AFF2: variants seen among roughly 807,000 people sequenced by gnomAD.
AFF2 encodes AF4/FMR2 family member 2.
Under a neutral mutation model 76.9 loss-of-function variants are expected in AFF2, and 14 were observed. The observed-to-expected ratio is 0.18, with a 90% CI of 0.12 to 0.28. The LOEUF (loss-of-function observed/expected upper bound fraction) is 0.28, where lower values mean the gene tolerates loss of function less well. Ranked by LOEUF, AFF2 falls within the 10% of genes least tolerant of loss-of-function variation. The pLI, the probability that AFF2 is intolerant of heterozygous loss-of-function variation, is 1.00. For synonymous variants in AFF2, 398 were observed against 366.7 expected, an observed-to-expected ratio of 1.09 and a Z score of -0.98; for missense variants, 868 against 1,001.1, an observed-to-expected ratio of 0.87 and a Z score of 1.79.
chrX:148,643,390 T>C (rs2124445995), intron 1 of AFF2, among the ~76,000 whole-genome samples: 1 of 112,025 alleles, frequency 8.9e-6, no homozygotes, highest in Admixed American at 9.5e-5. Flanking sequence ...TTTATAAGCT[T>C]CCAAGTCATT....
intron 3 of AFF2, among the ~76,000 whole-genome samples, chrX:148,664,204 C>T (rs1557258184): frequency 8.9e-6 from 1 of 111,927 alleles, no homozygotes; most frequent in African/African-American, 3.3e-5. Context: ...TCAGTACCTT[C>T]TCATCACTTC....
At chrX:148,876,481 A>G (rs1799978874) in intron 7 of AFF2, among the ~76,000 whole-genome samples, 1 of 111,998 alleles carries the variant, frequency 8.9e-6, no homozygotes, top group Non-Finnish European at 1.9e-5. Flanking sequence ...AACATGTTAC[A>G]TGATGAGCTC....
chrX:148,661,475 G>A (rs1278116672), intron 2 of AFF2, among the ~76,000 whole-genome samples: 2 of 111,858 alleles, frequency 1.8e-5, no homozygotes, highest in Admixed American at 1.9e-4. Flanking sequence ...GTATAATGTG[G>A]TGCAAAGGCT....
intron 1 of AFF2, among the ~76,000 whole-genome samples, chrX:148,519,312 T>C (rs1008191819): frequency 2.7e-5 from 3 of 112,270 alleles, no homozygotes; most frequent in Non-Finnish European, 3.8e-5. Flanking sequence ...CTCCCTCTTA[T>C]CTACTCACTT....
chrX:148,575,377 T>A (rs180856257), intron 1 of AFF2, among the ~76,000 whole-genome samples: 1 of 111,926 alleles, frequency 8.9e-6, no homozygotes, highest in East Asian at 2.8e-4. Flanking sequence ...ATACATAATA[T>A]GTTTTCCTTT....
intron 1 of AFF2, among the ~76,000 whole-genome samples, chrX:148,572,631 A>G (rs911214071): frequency 5.4e-5 from 6 of 111,842 alleles, no homozygotes; most frequent in African/African-American, 2.0e-4. Flanking sequence ...TTGGATGAAC[A>G]TTGAAAACAT....
At chrX:148,888,397 T>C (rs2071185039) in intron 8 of AFF2, among the ~76,000 whole-genome samples, 1 of 112,233 alleles carries the variant, frequency 8.9e-6, no homozygotes, top group African/African-American at 3.2e-5. Flanking sequence ...ATAAACCACA[T>C]TTTCTTTATC....
At chrX:148,554,334 T>C (rs1185460398) in intron 1 of AFF2, among the ~76,000 whole-genome samples, 1 of 111,621 alleles carries the variant, frequency 9.0e-6, no homozygotes, top group Admixed American at 9.5e-5. Flanking sequence ...AAGTTTGACA[T>C]CCAGTTGAGG....
chrX:148,646,637 A>G (rs1246703412), intron 1 of AFF2, among the ~76,000 whole-genome samples: 4 of 112,564 alleles, frequency 3.6e-5, no homozygotes, highest in Non-Finnish European at 7.5e-5. Context: ...GTCTAGAGCT[A>G]AAAACTTGTG....
intron 3 of AFF2, among the ~76,000 whole-genome samples, chrX:148,712,552 A>C (rs1376792739): frequency 8.9e-6 from 1 of 111,880 alleles, no homozygotes; most frequent in Non-Finnish European, 1.9e-5. Context: ...CAGTGATCAG[A>C]CTGGGCAACC....
At chrX:148,844,210 ATT>A (rs1417995792) in intron 7 of AFF2, among the ~76,000 whole-genome samples, 1 of 112,004 alleles carries the variant, frequency 8.9e-6, no homozygotes, top group Non-Finnish European at 1.9e-5. Flanking sequence ...AGCAGCCATG[ATT>A]GGACATGAAA....
At chrX:148,967,225 G>T in intron 14 of AFF2, 146 bp downstream of exon 14, 1 of 844,176 alleles carries the variant, frequency 1.2e-6, no homozygotes, top group Non-Finnish European at 1.6e-6. Context: ...CCCACCCCCT[G>T]CATACACACT....
intron 3 of AFF2, among the ~76,000 whole-genome samples, chrX:148,799,744 T>C (rs782042759): frequency 8.9e-6 from 1 of 112,337 alleles, no homozygotes; most frequent in South Asian, 3.7e-4. Flanking sequence ...TTAGAAAGTT[T>C]TAATGTGTTT....
intron 9 of AFF2, among the ~76,000 whole-genome samples, chrX:148,904,663 C>CG (rs1362716782): frequency 1.8e-5 from 2 of 112,072 alleles, no homozygotes; most frequent in African/African-American, 3.2e-5. Flanking sequence ...TTTCCAGCCA[C>CG]GTGGGGAGGT....
At chrX:148,501,207 C>T in intron 1 of AFF2, 63 bp downstream of exon 1, 1 of 1,186,163 alleles carries the variant, frequency 8.4e-7, no homozygotes, top group Non-Finnish European at 1.1e-6. Flanking sequence ...CTGAGGTTTT[C>T]GCCTTTGTTA....
rs368918408 is a variant in AFF2 at position 148,507,848 on chromosome X, A to C, written c.47+6704A>C. ...AAAAAAGTTATCTGAGAGCTGAAAA[A>C]AATGACATGATTTAAGCAGAGCTGA... On this transcript the variant is annotated intron_variant, in intron 1 of 20. Coordinates refer to ENST00000370460, the MANE Select transcript of AFF2 (RefSeq NM_002025.4). Among the ~76,000 whole-genome samples, 21 of 112,223 alleles carry C rather than the reference A, an allele frequency of 1.9e-4. No individual in the cohort carries two copies. In the South Asian group the frequency reaches 7.5e-3, roughly 40 times the overall value.
chrX:148,586,760 A>T (rs1438848101), intron 1 of AFF2, among the ~76,000 whole-genome samples: 4 of 111,512 alleles, frequency 3.6e-5, no homozygotes, highest in South Asian at 3.8e-4. Flanking sequence ...AAACCATAGG[A>T]TCACAGACTG....
At chrX:148,748,708 A>G (rs995429238) in intron 3 of AFF2, among the ~76,000 whole-genome samples, 10 of 111,607 alleles carry the variant, frequency 9.0e-5, no homozygotes. Context: ...CCTGGCCAGC[A>G]TATGTAAGCA....
At chrX:148,878,306 T>A (rs1557278110) in intron 7 of AFF2, among the ~76,000 whole-genome samples, 2 of 111,846 alleles carry the variant, frequency 1.8e-5, no homozygotes, top group Non-Finnish European at 3.8e-5. Flanking sequence ...AATGTTAGGA[T>A]CATCAGTGTC....
Sources: allele counts gnomAD v4.1 joint callset (sites outside exome capture counted in the v4.1 genomes callset), GRCh38; gene constraint gnomAD v4.1.1; transcripts MANE v1.5; gene names NCBI Gene and HGNC (gene_info 2026-07-23, HGNC 2026-07-21).